Variants in AKT3 observed in about 807,000 individuals in gnomAD.
AKT3 encodes the protein RAC-gamma serine/threonine-protein kinase.
Under a neutral mutation model 65.3 loss-of-function variants are expected in AKT3, and 15 were observed. That is an observed-to-expected ratio of 0.23 (90% CI 0.15 to 0.35). The LOEUF is 0.35. AKT3 is among the 10% of genes least tolerant of loss of function. The probability of loss-of-function intolerance (pLI) is 1.00; values close to 1 mark genes in which losing one functional copy is unlikely to be tolerated. For missense variants in AKT3, 243 were observed against 576.5 expected (o/e 0.42, Z 5.92); for synonymous variants, 206 against 183.8 (o/e 1.12, Z -0.98).
intron 2 of AKT3, among the ~76,000 whole-genome samples, chr1:243,804,384 C>A (rs915731731): frequency 1.3e-5 from 2 of 152,084 alleles, no homozygotes; most frequent in East Asian, 1.9e-4. Flanking sequence ...TATTCTAAAT[C>A]TTTATGTATT....
chr1:243,571,595 G>A (rs1674572063), intron 9 of AKT3, among the ~76,000 whole-genome samples: 1 of 152,134 alleles, frequency 6.6e-6, no homozygotes, highest in Non-Finnish European at 1.5e-5. Flanking sequence ...GTGGGAATAC[G>A]AGAAGTGGAC....
chr1:243,526,481 G>A (rs180925606), intron 12 of AKT3, among the ~76,000 whole-genome samples: 42 of 152,122 alleles, frequency 2.8e-4, no homozygotes, highest in African/African-American at 9.2e-4. Flanking sequence ...GTTCCGTCAC[G>A]TCTATCCTCC....
At chr1:243,707,238 A>G (rs1465182749) in intron 2 of AKT3, among the ~76,000 whole-genome samples, 1 of 152,220 alleles carries the variant, frequency 6.6e-6, no homozygotes, top group Non-Finnish European at 1.5e-5. Flanking sequence ...TGTTTAAAAT[A>G]AAATGGAATT....
intron 2 of AKT3, among the ~76,000 whole-genome samples, chr1:243,736,711 GAGA>G (rs1328320106): frequency 2.6e-5 from 4 of 152,122 alleles, no homozygotes; most frequent in African/African-American, 7.2e-5. Flanking sequence ...CTAACAAAAT[GAGA>G]AAGTCAAGGC....
rs1695554619 is a variant in AKT3, at chr1:243,847,133, C to T, written c.-113+2907G>A. On this transcript the variant is annotated intron_variant, in intron 1 of 13. Coordinates refer to ENST00000673466, the MANE Select transcript of AKT3 (RefSeq NM_005465.7). Reference sequence around the variant, plus strand: ...GCACATGCTGAAACCTGGAGTAACACAAATCTTCTAACAAAAATTAATTGT... The same window carrying T: ...GCACATGCTGAAACCTGGAGTAACATAAATCTTCTAACAAAAATTAATTGT... Among the ~76,000 whole-genome samples, 3 of 152,218 alleles carry T rather than the reference C, an allele frequency of 2.0e-5. No individual in the cohort carries two copies. The South Asian group carries it at 6.2e-4, about 32-fold the overall frequency.
At chr1:243,532,557 A>G (rs954556637) in intron 12 of AKT3, among the ~76,000 whole-genome samples, 4 of 152,134 alleles carry the variant, frequency 2.6e-5, no homozygotes, top group African/African-American at 9.7e-5. Context: ...ATGGTTTGCT[A>G]GTATTGTTAA....
At chr1:243,771,386 C>T (rs985750544) in intron 2 of AKT3, among the ~76,000 whole-genome samples, 4 of 152,026 alleles carry the variant, frequency 2.6e-5, no homozygotes, top group Non-Finnish European at 5.9e-5. Flanking sequence ...CTAACATAGC[C>T]CTGGCACATG....
intron 1 of AKT3, among the ~76,000 whole-genome samples, chr1:243,846,021 A>G (rs998084829): frequency 3.9e-5 from 6 of 152,240 alleles, no homozygotes; most frequent in African/African-American, 1.4e-4. Context: ...GCTAATATTT[A>G]TGATTCTGCA....
chr1:243,618,307 A>G (rs1046966672), intron 6 of AKT3, among the ~76,000 whole-genome samples: 1 of 152,150 alleles, frequency 6.6e-6, no homozygotes, highest in Non-Finnish European at 1.5e-5. Context: ...ATTTTCTAAC[A>G]TATTTTACAG....
intron 2 of AKT3, among the ~76,000 whole-genome samples, chr1:243,786,410 T>A (rs1374911701): frequency 1.3e-5 from 2 of 152,230 alleles, no homozygotes; most frequent in East Asian, 3.9e-4. Flanking sequence ...AGCAGGATAG[T>A]CAGTTATTTA....
chr1:243,751,518 G>T (rs1250295292), intron 2 of AKT3, among the ~76,000 whole-genome samples: 1 of 152,122 alleles, frequency 6.6e-6, no homozygotes, highest in East Asian at 1.9e-4. Context: ...CTTCATTTTT[G>T]TTTTGTTATT....
At chr1:243,752,234 T>C (rs1320153261) in intron 2 of AKT3, among the ~76,000 whole-genome samples, 1 of 152,188 alleles carries the variant, frequency 6.6e-6, no homozygotes, top group East Asian at 1.9e-4. Context: ...ATCAGGCATA[T>C]ATGCATCTGA....
intron 12 of AKT3, among the ~76,000 whole-genome samples, chr1:243,523,307 A>C (rs1028048264): frequency 2.2e-5 from 3 of 135,470 alleles, no homozygotes; most frequent in Admixed American, 7.5e-5. Flanking sequence ...ACACACACAC[A>C]CCTTTCAGAA....
At chr1:243,844,845 A>G (rs1002258294) in intron 1 of AKT3, among the ~76,000 whole-genome samples, 1 of 152,220 alleles carries the variant, frequency 6.6e-6, no homozygotes, top group African/African-American at 2.4e-5. Context: ...TGAGTTTTAC[A>G]GGGTCATTGC....
intron 4 of AKT3, among the ~76,000 whole-genome samples, chr1:243,656,576 C>T (rs1222717517): frequency 6.6e-6 from 1 of 152,068 alleles, no homozygotes; most frequent in Non-Finnish European, 1.5e-5. Context: ...TTGGTACTTA[C>T]CAGGATGAGC....
chr1:243,740,694 A>C (rs1209146763), intron 2 of AKT3: 1 of 152,194 alleles, frequency 6.6e-6, no homozygotes, highest in Non-Finnish European at 1.5e-5. Flanking sequence ...GCTCTATGGC[A>C]CTGTCTTATT....
intron 6 of AKT3, among the ~76,000 whole-genome samples, chr1:243,623,971 T>C (rs949846578): frequency 2.6e-5 from 4 of 152,218 alleles, no homozygotes; most frequent in African/African-American, 7.2e-5. Context: ...TCTATGTGGT[T>C]TTCCCTTTGC....
chr1:243,643,508 G>T (rs926736524), intron 5 of AKT3, among the ~76,000 whole-genome samples: 1 of 152,194 alleles, frequency 6.6e-6, no homozygotes, highest in Admixed American at 6.5e-5. Flanking sequence ...CCTCTGAAAC[G>T]CTATCTTTTA....
chr1:243,731,562 T>C (rs1470762933), intron 2 of AKT3, among the ~76,000 whole-genome samples: 1 of 152,142 alleles, frequency 6.6e-6, no homozygotes, highest in African/African-American at 2.4e-5. Context: ...TAAAAATCAA[T>C]AGAGAGATTA....
Sources: gnomAD v4.1 joint callset for allele counts (sites outside exome capture counted in the v4.1 genomes callset) on GRCh38, gnomAD v4.1.1 for gene constraint, MANE v1.5 for transcripts, NCBI Gene and HGNC (gene_info 2026-07-23, HGNC 2026-07-21) for gene names.